IGSF11: variants seen among roughly 807,000 people sequenced by gnomAD.
IGSF11 encodes the protein CXADR like 1.
In IGSF11, 22 loss-of-function variants were observed where a neutral mutation model predicts 41.0. That is an observed-to-expected ratio of 0.54 (90% CI 0.38 to 0.77). The LOEUF is 0.77. Ranked by LOEUF, IGSF11 falls within the 30% of genes least tolerant of loss-of-function variation. The pLI is 0.00. For missense variants in IGSF11, 444 were observed against 530.8 expected (o/e 0.84, Z 1.61); for synonymous variants, 219 against 201.3 (o/e 1.09, Z -0.74).
chr3:119,135,301 G>T (rs2077544628), intron 1 of IGSF11, among the ~76,000 whole-genome samples: 2 of 152,142 alleles, frequency 1.3e-5, no homozygotes, highest in African/African-American at 2.4e-5. Context: ...AAAAATTTTT[G>T]CAATCTACCC....
chr3:118,940,916 A>G (rs9821022), intron 1 of IGSF11, among the ~76,000 whole-genome samples: 11,685 of 150,630 alleles, frequency 0.078, 682 homozygotes, highest in Admixed American at 0.16. Flanking sequence ...GCCAAAAAAA[A>G]AAAAAAAAAC....
chr3:119,084,691 C>T (rs531531824), intron 1 of IGSF11, among the ~76,000 whole-genome samples: 7 of 152,350 alleles, frequency 4.6e-5, no homozygotes, highest in Non-Finnish European at 7.3e-5. Context: ...CCTGCAGAAG[C>T]GTGCATACAG....
chr3:118,923,217 A>T (rs1163235649), intron 4 of IGSF11, among the ~76,000 whole-genome samples: 1 of 152,134 alleles, frequency 6.6e-6, no homozygotes, highest in East Asian at 1.9e-4. Context: ...CCACTTCATG[A>T]AACTTGTTTT....
intron 1 of IGSF11, among the ~76,000 whole-genome samples, chr3:119,048,257 A>T (rs538201049): frequency 0.037 from 5,625 of 151,996 alleles, 175 homozygotes; most frequent in Non-Finnish European, 0.049. Context: ...CTAGCAAGAC[A>T]AATAAAGAAA....
At chr3:119,106,304 C>T (rs1471427758), upstream of IGSF11, among the ~76,000 whole-genome samples, 1 of 152,098 alleles carries the variant, frequency 6.6e-6, no homozygotes, top group East Asian at 1.9e-4. Flanking sequence ...AGGTTTTATT[C>T]ATTCTTTCTA....
intron 1 of IGSF11, among the ~76,000 whole-genome samples, chr3:119,028,963 G>A (rs1173445273): frequency 6.6e-6 from 1 of 151,982 alleles, no homozygotes; most frequent in Non-Finnish European, 1.5e-5. Context: ...GAGGCTGAGT[G>A]AAGGGTGTGC....
chr3:118,968,736 C>T (rs1015585635), intron 1 of IGSF11, among the ~76,000 whole-genome samples: 4 of 152,092 alleles, frequency 2.6e-5, no homozygotes, highest in African/African-American at 9.7e-5. Flanking sequence ...AAAAGTATAC[C>T]ATTGCATTAA....
At chr3:118,959,019 C>G (rs932002461) in intron 1 of IGSF11, among the ~76,000 whole-genome samples, 1 of 152,154 alleles carries the variant, frequency 6.6e-6, no homozygotes, top group African/African-American at 2.4e-5. Flanking sequence ...ATTCTATGGA[C>G]TGGAGAGGCA....
rs141095327 is a variant in IGSF11 at position 119,137,426 on chromosome 3, A to G, written c.-14+8387T>C. Among the ~76,000 whole-genome samples, 1,344 of 152,306 alleles carry G rather than the reference A, an allele frequency of 8.8e-3. 13 individuals are homozygous for G. The highest frequency in any genetic ancestry group is 0.015 in the Non-Finnish European group (1,043 of 67,998). On this transcript the variant is annotated intron_variant, in intron 1 of 7. Coordinates refer to the IGSF11 transcript ENST00000425327. ...CCAGAAGTAAATCTATACATCTACA[A>G]TGAATTCATTTTTGACAAAGTTTCC...
intron 4 of IGSF11, among the ~76,000 whole-genome samples, chr3:118,916,415 T>G (rs1420892037): frequency 1.3e-5 from 2 of 151,966 alleles, no homozygotes; most frequent in East Asian, 3.9e-4. Context: ...GAGGAAGATC[T>G]ACCAAGCAAA....
At chr3:118,921,267 G>A (rs1297645204) in intron 4 of IGSF11, among the ~76,000 whole-genome samples, 1 of 152,158 alleles carries the variant, frequency 6.6e-6, no homozygotes, top group Admixed American at 6.6e-5. Flanking sequence ...GTTCAGCAAT[G>A]TATCTTCAGC....
chr3:118,940,988 CAT>C (rs975958091), intron 1 of IGSF11, among the ~76,000 whole-genome samples: 4 of 145,648 alleles, frequency 2.7e-5, no homozygotes, highest in African/African-American at 1.0e-4. Context: ...AAAATTTAAA[CAT>C]ATCAATAAAA....
intron 4 of IGSF11, among the ~76,000 whole-genome samples, chr3:118,913,346 A>T (rs1307528854): frequency 6.6e-6 from 1 of 152,188 alleles, no homozygotes; most frequent in Non-Finnish European, 1.5e-5. Context: ...CCATAGCAGG[A>T]TTAATAAAAA....
chr3:119,048,218 T>C (rs1195290736), intron 1 of IGSF11, among the ~76,000 whole-genome samples: 4 of 152,104 alleles, frequency 2.6e-5, no homozygotes, highest in Non-Finnish European at 5.9e-5. Context: ...AGCTGGTTTT[T>C]TGAAAGGATC....
rs1576705838 is a variant in IGSF11, at chr3:119,034,705, T to A, written c.-123A>T. The A allele has an allele frequency of 3.5e-5, 48 of 1,387,584 alleles. No homozygotes were observed. In the East Asian group the frequency reaches 1.4e-3, roughly 40 times the overall value. The allele number at this position is 1,387,584 out of a possible 1,614,324, so 86.0% of individuals were successfully genotyped here. ...CCTCCCACACCCAGCGCCGGGCCGC[T>A]GTTCCCCGCGCAGAGCTGGGACTGT... On this transcript the variant is annotated 5_prime_UTR_variant, in exon 1 of 7. Coordinates refer to ENST00000393775, the MANE Select transcript of IGSF11 (RefSeq NM_001015887.3).
At chr3:118,958,259 C>A (rs1945099208) in intron 1 of IGSF11, among the ~76,000 whole-genome samples, 1 of 152,058 alleles carries the variant, frequency 6.6e-6, no homozygotes, top group Non-Finnish European at 1.5e-5. Flanking sequence ...TCATTACTGT[C>A]CTTCCATAAA....
At chr3:119,112,465 G>A (rs1249114512) in intron 1 of IGSF11, among the ~76,000 whole-genome samples, 1 of 152,170 alleles carries the variant, frequency 6.6e-6, no homozygotes, top group Admixed American at 6.5e-5. Context: ...GTATTTGGGT[G>A]GGAGTGACCC....
At chr3:118,973,501 C>T (rs1389928138) in intron 1 of IGSF11, among the ~76,000 whole-genome samples, 4 of 152,160 alleles carry the variant, frequency 2.6e-5, no homozygotes, top group Non-Finnish European at 5.9e-5. Context: ...TGTCTGAGTT[C>T]CCAAAGGCCT....
chr3:119,137,989 A>C (rs933232550), intron 1 of IGSF11, among the ~76,000 whole-genome samples: 1 of 152,196 alleles, frequency 6.6e-6, no homozygotes, highest in Non-Finnish European at 1.5e-5. Flanking sequence ...AGAGAAATGC[A>C]AATCAAAACT....
Sources: gnomAD v4.1 joint callset for allele counts (sites outside exome capture counted in the v4.1 genomes callset) on GRCh38, gnomAD v4.1.1 for gene constraint, MANE v1.5 for transcripts, NCBI Gene and HGNC (gene_info 2026-07-23, HGNC 2026-07-21) for gene names.